The following SHISA9 variants were observed in gnomAD, a reference collection of about 807,000 sequenced individuals.
SHISA9 encodes shisa family member 9.
A neutral mutation model predicts 38.0 loss-of-function variants in SHISA9; 13 were observed. That is an observed-to-expected ratio of 0.34 (90% confidence interval 0.22 to 0.54). SHISA9 has a LOEUF of 0.54. SHISA9 is among the 20% of genes least tolerant of loss of function. The probability of loss-of-function intolerance (pLI) is 0.91; values close to 1 mark genes in which losing one functional copy is unlikely to be tolerated. For synonymous variants in SHISA9, 275 were observed against 242.0 expected (o/e 1.14, Z -1.27); for missense variants, 538 against 575.8 (o/e 0.93, Z 0.67).
the SHISA9 span, among the ~76,000 whole-genome samples, chr16:13,562,427 C>T: frequency 6.1e-3 from 931 of 152,080 alleles, 8 homozygotes; most frequent in African/African-American, 0.022. Context: ...GTCAAGAGCT[C>T]GAGACCAGCC....
chr16:13,179,422 C>T (rs1325041102), intron 2 of SHISA9, among the ~76,000 whole-genome samples: 1 of 152,210 alleles, frequency 6.6e-6, no homozygotes, highest in Non-Finnish European at 1.5e-5. Flanking sequence ...TTTGTCCTCA[C>T]AACACCATTA....
At chr16:13,378,872 T>G in the SHISA9 span, among the ~76,000 whole-genome samples, 2 of 152,258 alleles carry the variant, frequency 1.3e-5, no homozygotes, top group African/African-American at 4.8e-5. Flanking sequence ...AAATATTTGT[T>G]GAGTGAATCA....
At position 12,983,777 on chromosome 16, in the gene SHISA9, C is replaced by T. The variant is rs113106855; in HGVS notation, c.691+66962C>T. ...TGCTGGGATTACAGGCGTGAGCCAC[C>T]GTGCCCGGCCCAGTTTTGGTTTTTA... On this transcript the variant is annotated intron_variant, in intron 2 of 4. Transcript: ENST00000558583. Among the ~76,000 whole-genome samples, 1,006 of 152,266 alleles carry T rather than the reference C, an allele frequency of 6.6e-3. 11 individuals are homozygous for T. The highest frequency in any genetic ancestry group is 0.023 in the African/African-American group (938 of 41,560).
intron 2 of SHISA9, among the ~76,000 whole-genome samples, chr16:13,064,702 A>T (rs928807708): frequency 1.3e-5 from 2 of 151,102 alleles, no homozygotes; most frequent in African/African-American, 4.9e-5. Context: ...AAAACTTCAA[A>T]TTTTTCTGTT....
the SHISA9 span, among the ~76,000 whole-genome samples, chr16:13,392,744 C>T: frequency 6.6e-6 from 1 of 152,164 alleles, no homozygotes; most frequent in Admixed American, 6.6e-5. Flanking sequence ...AATTTGTACA[C>T]AGAAATATGC....
rs71147792 is a variant in SHISA9 at position 13,238,815 on chromosome 16, TTTATTATTATTA to T, written c.*3432_*3443del. 2.4e-4 allele frequency: 32 copies of T among 136,142 alleles called. No homozygotes were observed. The highest frequency in any genetic ancestry group is 7.5e-3 in the Middle Eastern group (2 of 268). 8.4% of individuals were successfully genotyped at this position (136,142 alleles called of 1,614,324 possible). A position where few individuals can be genotyped will look rare whatever the true frequency, so the allele number is the denominator to read the frequency against. On this transcript the variant is annotated 3_prime_UTR_variant, in exon 5 of 5. Transcript: ENST00000558583. ...TTTTTTTTAATGTATCCATGGAGTA[TTTATTATTATTA>T]TTATTATTATTATTATTATTATTAT...
At chr16:13,552,661 T>G in the SHISA9 span, among the ~76,000 whole-genome samples, 1 of 152,160 alleles carries the variant, frequency 6.6e-6, no homozygotes, top group Non-Finnish European at 1.5e-5. Flanking sequence ...CAGGTTGGCT[T>G]TGAAAAGACC....
the SHISA9 span, among the ~76,000 whole-genome samples, chr16:13,345,952 T>C: frequency 9.8e-6 from 1 of 101,868 alleles, no homozygotes; most frequent in South Asian, 4.8e-4. Flanking sequence ...GGGGTTGTTT[T>C]ACTCTTGTAA....
At position 12,973,531 on chromosome 16, in the gene SHISA9, A is replaced by G. The variant is rs138889205; in HGVS notation, c.691+56716A>G. 4.9e-4 allele frequency among the ~76,000 whole-genome samples: 75 copies of G among 152,352 alleles called. No homozygotes were observed. The East Asian group carries it at 0.012, about 24-fold the overall frequency. On this transcript the variant is annotated intron_variant, in intron 2 of 4. Transcript: ENST00000558583. ...GAGATTTGGCAGACAACTGGGAGGCATCAGACTAATTCATCCCATCACTCT... is the reference window on the plus strand; with the variant it reads ...GAGATTTGGCAGACAACTGGGAGGCGTCAGACTAATTCATCCCATCACTCT...
chr16:13,168,128 G>C (rs896060909), intron 2 of SHISA9, among the ~76,000 whole-genome samples: 3 of 152,262 alleles, frequency 2.0e-5, no homozygotes, highest in African/African-American at 7.2e-5. Flanking sequence ...AACTTCAAGC[G>C]TGACTGTCTT....
the SHISA9 span, among the ~76,000 whole-genome samples, chr16:13,538,176 A>G: frequency 1.3e-5 from 2 of 152,170 alleles, no homozygotes; most frequent in Admixed American, 1.3e-4. Flanking sequence ...TGGCTTTAGC[A>G]TGGGCTTGGA....
chr16:13,546,124 A>G, the SHISA9 span, among the ~76,000 whole-genome samples: 7 of 152,182 alleles, frequency 4.6e-5, no homozygotes, highest in Non-Finnish European at 7.4e-5. Context: ...TCTTTGTCCT[A>G]TAAGAAAGGA....
the SHISA9 span, among the ~76,000 whole-genome samples, chr16:13,298,284 G>A: frequency 6.6e-6 from 1 of 152,070 alleles, no homozygotes; most frequent in Non-Finnish European, 1.5e-5. Context: ...AAGCTGGAAG[G>A]AACTGATGAT....
chr16:13,494,679 T>C, the SHISA9 span, among the ~76,000 whole-genome samples: 12 of 152,164 alleles, frequency 7.9e-5, no homozygotes, highest in Non-Finnish European at 1.3e-4. Flanking sequence ...TATGGCAGAA[T>C]ATTTTACAGC....
intron 2 of SHISA9, among the ~76,000 whole-genome samples, chr16:13,035,200 A>G (rs2073039948): frequency 1.3e-5 from 2 of 152,196 alleles, no homozygotes; most frequent in South Asian, 2.1e-4. Flanking sequence ...AGTATTCACT[A>G]TGCAGCATAC....
the SHISA9 span, among the ~76,000 whole-genome samples, chr16:13,532,639 T>C: frequency 6.6e-6 from 1 of 152,138 alleles, no homozygotes; most frequent in Non-Finnish European, 1.5e-5. Context: ...TTTTACCTCA[T>C]GTGCCAAAAG....
chr16:13,364,241 T>A, the SHISA9 span, among the ~76,000 whole-genome samples: 1 of 152,222 alleles, frequency 6.6e-6, no homozygotes, highest in Non-Finnish European at 1.5e-5. Context: ...AGGTCCTTAC[T>A]GAAAACATGA....
chr16:13,456,928 G>A, the SHISA9 span, among the ~76,000 whole-genome samples: 6 of 152,236 alleles, frequency 3.9e-5, no homozygotes, highest in Non-Finnish European at 8.8e-5. Flanking sequence ...TTCAGGTTTG[G>A]AACTTTTCCG....
chr16:13,083,147 G>C (rs2073672042), intron 2 of SHISA9, among the ~76,000 whole-genome samples: 1 of 152,168 alleles, frequency 6.6e-6, no homozygotes, highest in South Asian at 2.1e-4. Context: ...ACTAGCAAAG[G>C]AGGAACTTGA....
Sources: gnomAD v4.1 joint callset for allele counts (sites outside exome capture counted in the v4.1 genomes callset) on GRCh38, gnomAD v4.1.1 for gene constraint, MANE v1.5 for transcripts, NCBI Gene and HGNC (gene_info 2026-07-23, HGNC 2026-07-21) for gene names.